FSD1L: variants seen among roughly 807,000 people sequenced by gnomAD.
The protein encoded by FSD1L is FSD1-like protein.
A neutral mutation model predicts 71.6 loss-of-function variants in FSD1L; 45 were observed. The ratio of observed to expected loss-of-function variants is 0.63; its 90% CI spans 0.49 to 0.81. FSD1L has a LOEUF of 0.81. FSD1L is among the 30% of genes least tolerant of loss of function. FSD1L has a pLI of 0.00. For synonymous variants in FSD1L, 197 were observed against 207.2 expected (o/e 0.95, Z 0.42); for missense variants, 561 against 618.1 (o/e 0.91, Z 0.98).
rs1444222516 is a variant in FSD1L at position 105,549,020 on chromosome 9, T to C, written c.*2537T>C. On this transcript the variant is annotated 3_prime_UTR_variant, in exon 14 of 14. Coordinates refer to ENST00000481272, the MANE Select transcript of FSD1L (RefSeq NM_001145313.3). ...TTAACTTGATTATACTATATAATATTCTCAATTACATTTGAATTTAAAAAT... is the reference window on the plus strand; with the variant it reads ...TTAACTTGATTATACTATATAATATCCTCAATTACATTTGAATTTAAAAAT... The C allele has an allele frequency of 2.0e-5, 3 of 152,062 alleles. No individual in the cohort carries two copies. Among genetic ancestry groups the C allele is most frequent in the Non-Finnish European group, 4.4e-5 (3 of 67,956 alleles). The allele number at this position is 152,062 out of a possible 1,614,324, so 9.4% of individuals were successfully genotyped here. A position where few individuals can be genotyped will look rare whatever the true frequency, so the allele number is the denominator to read the frequency against.
chr9:105,510,991 T>C lies in FSD1L; in HGVS notation c.896-1816T>C, dbSNP rs187840898. On this transcript the variant is annotated intron_variant, in intron 9 of 13. Transcript: ENST00000481272. ...GGACCTCACTTTTGAGGCTAGTCTT[T>C]TTTTTTTTTTTAACTATAGAGTATT... Among the ~76,000 whole-genome samples the C allele has an allele frequency of 6.3e-3, 956 of 150,848 alleles. 15 individuals are homozygous for C. Among genetic ancestry groups the C allele is most frequent in the African/African-American group, 0.022 (907 of 41,290 alleles).
intron 10 of FSD1L, among the ~76,000 whole-genome samples, chr9:105,516,598 G>A (rs1834740902): frequency 2.6e-5 from 4 of 152,196 alleles, no homozygotes; most frequent in Non-Finnish European, 4.4e-5. Context: ...GCAGCAGAGG[G>A]GCCTGACTGT....
Position 105,479,393 on chromosome 9 carries a change from A to G in FSD1L, c.464+17A>G. On this transcript the variant is annotated intron_variant, in intron 6 of 13. Transcript: ENST00000481272. The stretch of plus-strand genomic sequence containing the variant: ...CAAGGATAGGTATGGTATAAAACAC[A>G]TTTTTACTTAAGTATAAATATTGAA... The G allele has an allele frequency of 1.3e-6, 2 of 1,534,886 alleles. No homozygotes were observed. Among genetic ancestry groups the G allele is most frequent in the Non-Finnish European group, 8.8e-7 (1 of 1,134,678 alleles).
At chr9:105,525,594 C>G (rs770261247) in intron 10 of FSD1L, 15 of 1,612,824 alleles carry the variant, frequency 9.3e-6, no homozygotes, top group Admixed American at 1.7e-5. Flanking sequence ...AACGGAGGAG[C>G]TTTCATCTCC....
At chr9:105,517,032 A>G (rs1366336823) in intron 10 of FSD1L, among the ~76,000 whole-genome samples, 2 of 152,228 alleles carry the variant, frequency 1.3e-5, no homozygotes, top group African/African-American at 2.4e-5. Flanking sequence ...GAAGCAAACA[A>G]AAGTATCAAT....
intron 10 of FSD1L, chr9:105,520,226 C>T (rs902016349): frequency 1.2e-6 from 2 of 1,610,252 alleles, no homozygotes; most frequent in African/African-American, 1.3e-5. Context: ...ACCTGCGCAT[C>T]GTCATCGAGT....
intron 7 of FSD1L, among the ~76,000 whole-genome samples, chr9:105,490,646 GTTTAAGTCT>G (rs1287176209): frequency 7.1e-6 from 1 of 140,168 alleles, no homozygotes; most frequent in African/African-American, 2.7e-5. Flanking sequence ...TAGGTCTAAC[GTTTAAGTCT>G]TTAATCCATC....
rs1166629382 is a variant in FSD1L at position 105,536,399 on chromosome 9, C to T, written c.1378+1081C>T. Among the ~76,000 whole-genome samples the T allele has an allele frequency of 7.9e-5, 12 of 152,270 alleles. No individual in the cohort carries two copies. The South Asian group carries it at 2.5e-3, about 32-fold the overall frequency. On this transcript the variant is annotated intron_variant, in intron 12 of 13. Transcript: ENST00000481272. ...TAATTTTTCCAAGTCTTTATAATCTCCTATGGCTGTCTAGTATGTCAGTGT... is the reference window on the plus strand; with the variant it reads ...TAATTTTTCCAAGTCTTTATAATCTTCTATGGCTGTCTAGTATGTCAGTGT...
chr9:105,482,693 TAA>T (rs1280493073), intron 6 of FSD1L, among the ~76,000 whole-genome samples: 2 of 152,182 alleles, frequency 1.3e-5, no homozygotes, highest in Non-Finnish European at 1.5e-5. Context: ...CATGGAAACT[TAA>T]GTTTTCATTG....
Position 105,508,632 on chromosome 9 carries a change from C to T in FSD1L, c.812C>T (p.Ser271Leu), listed in dbSNP as rs1834210894. 7 of 1,549,870 alleles carry T rather than the reference C, an allele frequency of 4.5e-6. No homozygotes were observed. The highest frequency in any genetic ancestry group is 6.1e-6 in the Non-Finnish European group (7 of 1,145,322). Residue 271 changes from serine to leucine, a missense_variant, in exon 9 of 14, where the codon TCA becomes TTA. Ser to Leu is a moderately radical substitution (Grantham distance 145, BLOSUM62 -2). Coordinates refer to ENST00000481272, the MANE Select transcript of FSD1L (RefSeq NM_001145313.3). ...EYTLSGLKFD[S>L]KYMNFRVRAC... is the part of the protein sequence containing the mutation. ...GTTTCTTCAGGCTTAAAATTTGATTCAAAGTATATGAATTTCAGAGTGCGA... is the reference window on the plus strand; with the variant it reads ...GTTTCTTCAGGCTTAAAATTTGATTTAAAGTATATGAATTTCAGAGTGCGA...
intron 6 of FSD1L, among the ~76,000 whole-genome samples, chr9:105,481,181 T>TGGGTGGGTGGG (rs1564098389): frequency 1.8e-5 from 1 of 56,206 alleles, no homozygotes; most frequent in Non-Finnish European, 3.3e-5. Flanking sequence ...GTGTGTGTGG[T>TGGGTGGGTGGG]TCTTTTTTTT....
chr9:105,513,262 A>T (rs920307243), intron 10 of FSD1L, among the ~76,000 whole-genome samples: 1 of 152,132 alleles, frequency 6.6e-6, no homozygotes, highest in African/African-American at 2.4e-5. Context: ...TAGATCACCT[A>T]TCTTACCTGC....
chr9:105,522,447 C>G, intron 10 of FSD1L: 2 of 1,613,620 alleles, frequency 1.2e-6, no homozygotes, highest in Non-Finnish European at 1.7e-6. Context: ...CCCAATGAGA[C>G]AGAGGAGTGC....
At chr9:105,495,784 G>T (rs1161213857) in intron 7 of FSD1L, among the ~76,000 whole-genome samples, 1 of 152,100 alleles carries the variant, frequency 6.6e-6, no homozygotes, top group African/African-American at 2.4e-5. Flanking sequence ...AGACCATCCT[G>T]GCTAACATGG....
At chr9:105,520,131 T>G in intron 10 of FSD1L, 2 of 1,600,632 alleles carry the variant, frequency 1.2e-6, no homozygotes, top group Non-Finnish European at 1.7e-6. Context: ...CGGCAGGATG[T>G]TCTCCAAGAA....
intron 13 of FSD1L, among the ~76,000 whole-genome samples, chr9:105,544,676 A>T (rs1836859305): frequency 6.6e-6 from 1 of 152,116 alleles, no homozygotes; most frequent in South Asian, 2.1e-4. Context: ...CCATTTGTTA[A>T]ATAGGGAATC....
At chr9:105,528,014 G>A (rs2417627) in intron 10 of FSD1L, among the ~76,000 whole-genome samples, 17,379 of 152,152 alleles carry the variant, frequency 0.11, 1,427 homozygotes, top group African/African-American at 0.23. Context: ...GGCAAACAGA[G>A]AGCCAAATCA....
rs1314471240 is a variant in FSD1L, at chr9:105,549,009, C to T, written c.*2526C>T. 6.6e-6 allele frequency: 1 copy of T among 151,974 alleles called. No individual in the cohort carries two copies. Among genetic ancestry groups the T allele is most frequent in the African/African-American group, 2.4e-5 (1 of 41,430 alleles). The allele number at this position is 151,974 out of a possible 1,614,324, so 9.4% of individuals were successfully genotyped here. A position where few individuals can be genotyped will look rare whatever the true frequency, so the allele number is the denominator to read the frequency against. ...TAAGGTAACTATTAACTTGATTATA[C>T]TATATAATATTCTCAATTACATTTG... On this transcript the variant is annotated 3_prime_UTR_variant, in exon 14 of 14. Coordinates refer to ENST00000481272, the MANE Select transcript of FSD1L (RefSeq NM_001145313.3).
At chr9:105,474,647 A>G (rs761051431) in intron 5 of FSD1L, among the ~76,000 whole-genome samples, 4 of 152,208 alleles carry the variant, frequency 2.6e-5, no homozygotes, top group Non-Finnish European at 4.4e-5. Context: ...CATTTAAGGT[A>G]TACTATTTGT....
Sources: allele counts gnomAD v4.1 joint callset (sites outside exome capture counted in the v4.1 genomes callset), GRCh38; gene constraint gnomAD v4.1.1; transcripts MANE v1.5; gene names NCBI Gene and HGNC (gene_info 2026-07-23, HGNC 2026-07-21).